Variants in SIT1 observed in about 807,000 individuals in gnomAD.
SIT1 encodes signaling threshold-regulating transmembrane adapter 1.
Under a neutral mutation model 23.5 loss-of-function variants are expected in SIT1, and 19 were observed. The observed-to-expected ratio is 0.81, with a 90% confidence interval of 0.56 to 1.19. The LOEUF (loss-of-function observed/expected upper bound fraction) is 1.19, where lower values mean the gene tolerates loss of function less well. SIT1 is among the 50% of genes most tolerant of loss of function. SIT1 has a pLI of 0.00. For synonymous variants in SIT1, 114 were observed against 109.1 expected, an observed-to-expected ratio of 1.04 and a Z score of -0.28; for missense variants, 213 against 254.9, an observed-to-expected ratio of 0.84 and a Z score of 1.12.
In SIT1 at chr9:35,650,289, C is replaced by T. The variant is rs1286770808; in HGVS notation, c.296-44G>A. The T allele has an allele frequency of 1.9e-6, 3 of 1,611,380 alleles. No homozygotes were observed. The highest frequency in any genetic ancestry group is 1.3e-5 in the African/African-American group (1 of 74,842). ...ATCTGGTCAGCAACTTGTCCTTCCT[C>T]CTGCACGCCCCCATCCCAGCCACCC... On this transcript the variant is annotated intron_variant, in intron 3 of 4. Transcript: ENST00000259608. The surrounding 1 kb of genome is among the most constrained non-coding windows in gnomAD (Gnocchi z 4.8).
In SIT1 at chr9:35,649,786, AGT is replaced by A. The variant is rs916439847; in HGVS notation, c.*60_*61del. On this transcript the variant is annotated 3_prime_UTR_variant, in exon 5 of 5. Transcript: ENST00000259608. ...CGTCTTTGGGTGCTGGTTGGGAAAC[AGT>A]CATGCCCCTGCTACGGGGGGCTGGG... is the stretch of plus-strand genomic sequence containing the variant. The A allele has an allele frequency of 6.4e-6, 8 of 1,250,036 alleles. No homozygotes were observed. The highest frequency in any genetic ancestry group is 3.2e-5 in the South Asian group (2 of 62,318). 77.4% of individuals were successfully genotyped at this position (1,250,036 alleles called of 1,614,324 possible).
Position 35,649,716 on chromosome 9 carries a change from A to G in SIT1, c.*132T>C. 1.6e-6 allele frequency: 1 copy of G among 636,048 alleles called. No individual in the cohort carries two copies. The highest frequency in any genetic ancestry group is 2.6e-6 in the Non-Finnish European group (1 of 385,444). 39.4% of individuals were successfully genotyped at this position (636,048 alleles called of 1,614,324 possible). A position where few individuals can be genotyped will look rare whatever the true frequency, so the allele number is the denominator to read the frequency against. On this transcript the variant is annotated 3_prime_UTR_variant, in exon 5 of 5. Coordinates refer to ENST00000259608, the MANE Select transcript of SIT1 (RefSeq NM_014450.3). ...GAGATGTCTCCCTTGAAGCTCAGAT[A>G]GGAAGTCCGGGGTAGATCACATCCT...
rs1563903584 is a variant in SIT1 at position 35,650,832 on chromosome 9, G to A, written c.22C>T (p.Leu8Phe). The A allele has an allele frequency of 1.9e-6, 3 of 1,611,822 alleles. No individual in the cohort carries two copies. Among genetic ancestry groups the A allele is most frequent in the Non-Finnish European group, 2.5e-6 (3 of 1,178,980 alleles). Reference sequence around the variant, plus strand: ...AGAGTCCACAAGCACACTGCTCTGAGCCGAGGGTCAGCCTGGTTCATGGCC... The same window carrying A: ...AGAGTCCACAAGCACACTGCTCTGAACCGAGGGTCAGCCTGGTTCATGGCC... The part of the protein sequence containing the change: MNQADPR[L>F]RAVCLWTLTS... Residue 8 changes from leucine to phenylalanine, a missense_variant, in exon 1 of 5, where the codon CTC becomes TTC. Leu to Phe is a conservative substitution (Grantham distance 22). Coordinates refer to ENST00000259608, the MANE Select transcript of SIT1 (RefSeq NM_014450.3). This position sits in a 1 kb window ranked among gnomAD's most constrained non-coding sequence, Gnocchi z 4.8.
chr9:35,650,809 A>G lies in SIT1; in HGVS notation c.45T>C (p.Thr15=). 6.2e-7 allele frequency: 1 copy of G among 1,613,646 alleles called. No individual in the cohort carries two copies. The highest frequency in any genetic ancestry group is 8.5e-7 in the Non-Finnish European group (1 of 1,179,812). ...CTCTGCTCATGGCTGCAGATGTGAG[A>G]GTCCACAAGCACACTGCTCTGAGCC... ...DPRLRAVCLW[T]LTSAAMSRGD... The change falls in exon 1 of 5, where the codon ACT becomes ACC. Residue 15 remains threonine (T), a synonymous_variant. Transcript: ENST00000259608. This position sits in a 1 kb window ranked among gnomAD's most constrained non-coding sequence, Gnocchi z 4.8.
Position 35,649,918 on chromosome 9 carries a change from G to T in SIT1, c.521C>A (p.Ala174Asp). The T allele has an allele frequency of 6.3e-7, 1 of 1,586,718 alleles. No homozygotes were observed. The highest frequency in any genetic ancestry group is 8.6e-7 in the Non-Finnish European group (1 of 1,167,142). ...PEPELYASVC[A>D]QTRRARASFP... ...GGAGGCCCGGGCCCTGCGGGTCTGG[G>T]CACATACTGAGGCATAGAGCTCCGG... The change falls in exon 5 of 5, where the codon GCC (alanine) becomes GAC (aspartate). Residue 174 changes from alanine to aspartate, a missense_variant. Physicochemically the swap from Ala to Asp is moderately radical, Grantham distance 126. Transcript: ENST00000259608.
At position 35,649,762 on chromosome 9, in the gene SIT1, G is replaced by A. The variant is rs748792241; in HGVS notation, c.*86C>T. 2.4e-5 allele frequency: 25 copies of A among 1,046,376 alleles called. No individual in the cohort carries two copies. Among genetic ancestry groups the A allele is most frequent in the South Asian group, 2.3e-4 (13 of 56,672 alleles). The allele number at this position is 1,046,376 out of a possible 1,614,324, so 64.8% of individuals were successfully genotyped here. A position where few individuals can be genotyped will look rare whatever the true frequency, so the allele number is the denominator to read the frequency against. ...ATCCTGTGACTTGGCAATGGCGCCC[G>A]TCTTTGGGTGCTGGTTGGGAAACAG... is the stretch of plus-strand genomic sequence containing the variant. On this transcript the variant is annotated 3_prime_UTR_variant, in exon 5 of 5. Coordinates refer to ENST00000259608, the MANE Select transcript of SIT1 (RefSeq NM_014450.3).
At position 35,650,238 on chromosome 9, in the gene SIT1, C is replaced by A; in HGVS notation, c.303G>T (p.Leu101=). 1 of 1,613,762 alleles carries A rather than the reference C, an allele frequency of 6.2e-7. No individual in the cohort carries two copies. Among genetic ancestry groups the A allele is most frequent in the Non-Finnish European group, 8.5e-7 (1 of 1,179,792 alleles). The change falls in exon 4 of 5, where the codon CTG becomes CTT. Residue 101 remains leucine (L), a synonymous_variant. Coordinates refer to ENST00000259608, the MANE Select transcript of SIT1 (RefSeq NM_014450.3). The surrounding 1 kb of genome is among the most constrained non-coding windows in gnomAD (Gnocchi z 4.8). The part of the protein sequence containing the change: ...GNLHYLQTGR[L]SQDPEPDQQD... Reference sequence around the variant, plus strand: ...GCTGGTCTGGCTCTGGGTCTTGAGACAGCCGTCCTGGGACGGGGAACAGGA... The same window carrying A: ...GCTGGTCTGGCTCTGGGTCTTGAGAAAGCCGTCCTGGGACGGGGAACAGGA...
Position 35,649,637 on chromosome 9 carries a change from G to T in SIT1, c.*211C>A, listed in dbSNP as rs532031904. 2.2e-6 allele frequency: 1 copy of T among 457,890 alleles called. No individual in the cohort carries two copies. The highest frequency in any genetic ancestry group is 2.0e-5 in the African/African-American group (1 of 50,304). The allele number at this position is 457,890 out of a possible 1,614,324, so 28.4% of individuals were successfully genotyped here. A position where few individuals can be genotyped will look rare whatever the true frequency, so the allele number is the denominator to read the frequency against. On this transcript the variant is annotated 3_prime_UTR_variant, in exon 5 of 5. Coordinates refer to ENST00000259608, the MANE Select transcript of SIT1 (RefSeq NM_014450.3). ...GGCTAAGAGGAACAGATAGAAAAAA[G>T]AAATAAGGAGGGGGCTACTGTCTTT... is the stretch of plus-strand genomic sequence containing the variant.
Position 35,650,275 on chromosome 9 carries a change from A to G in SIT1, c.296-30T>C. 1.2e-6 allele frequency: 2 copies of G among 1,611,966 alleles called. No individual in the cohort carries two copies. The highest frequency in any genetic ancestry group is 1.7e-6 in the Non-Finnish European group (2 of 1,178,616). On this transcript the variant is annotated intron_variant, in intron 3 of 4. Coordinates refer to ENST00000259608, the MANE Select transcript of SIT1 (RefSeq NM_014450.3). The surrounding 1 kb of genome is among the most constrained non-coding windows in gnomAD (Gnocchi z 4.8). ...GACGGGGAACAGGAATCTGGTCAGC[A>G]ACTTGTCCTTCCTCCTGCACGCCCC...
chr9:35,650,373 C>G lies in SIT1; in HGVS notation c.279G>C (p.Leu93=), dbSNP rs140206565. The change falls in exon 3 of 5, where the codon CTG becomes CTC. Residue 93 remains leucine (L), a synonymous_variant. Coordinates refer to ENST00000259608, the MANE Select transcript of SIT1 (RefSeq NM_014450.3). This position sits in a 1 kb window ranked among gnomAD's most constrained non-coding sequence, Gnocchi z 4.8. ...SVEEVPLYGN[L]HYLQTGRLSQ... ...GCTCCCTACCTGTCTGTAGATAATG[C>G]AGGTTCCCATACAGCGGGACCTCTT... The G allele has an allele frequency of 6.2e-7, 1 of 1,614,156 alleles. No individual in the cohort carries two copies. Among genetic ancestry groups the G allele is most frequent in the Non-Finnish European group, 8.5e-7 (1 of 1,180,010 alleles).
In SIT1 at chr9:35,650,859, G is replaced by A. The variant is rs1338174159; in HGVS notation, c.-6C>T. 9 of 1,601,446 alleles carry A rather than the reference G, an allele frequency of 5.6e-6. No individual in the cohort carries two copies. Among genetic ancestry groups the A allele is most frequent in the Non-Finnish European group, 7.7e-6 (9 of 1,173,504 alleles). Reference sequence around the variant, plus strand: ...CGAGGGTCAGCCTGGTTCATGGCCTGACGGTTTCCACAGCACTTCTTACTC... The same window carrying A: ...CGAGGGTCAGCCTGGTTCATGGCCTAACGGTTTCCACAGCACTTCTTACTC... On this transcript the variant is annotated 5_prime_UTR_variant, in exon 1 of 5. Coordinates refer to ENST00000259608, the MANE Select transcript of SIT1 (RefSeq NM_014450.3). The surrounding 1 kb of genome is among the most constrained non-coding windows in gnomAD (Gnocchi z 4.8).
Position 35,650,735 on chromosome 9 carries a change from C to T in SIT1, c.100+19G>A. 1 of 1,612,696 alleles carries T rather than the reference C, an allele frequency of 6.2e-7. No individual in the cohort carries two copies. Among genetic ancestry groups the T allele is most frequent in the Non-Finnish European group, 8.5e-7 (1 of 1,179,350 alleles). On this transcript the variant is annotated intron_variant, in intron 1 of 4. Transcript: ENST00000259608. This position sits in a 1 kb window ranked among gnomAD's most constrained non-coding sequence, Gnocchi z 4.8. Reference sequence around the variant, plus strand: ...CCACATGACCCCTCCCCCACCAGCCCCTGCCCTGCCCAGCTCACCCAGTGC... The same window carrying T: ...CCACATGACCCCTCCCCCACCAGCCTCTGCCCTGCCCAGCTCACCCAGTGC...
rs942805994 is a variant in SIT1, at chr9:35,650,403, A to G, written c.249T>C (p.Ser83=). The stretch of plus-strand genomic sequence containing the variant: ...TCCCATACAGCGGGACCTCTTCCAC[A>G]GACTCTCCAGAGCTGCAACGCAGAG... The part of the protein sequence containing the change: ...SHPGQGRSGE[S]VEEVPLYGNL... The change falls in exon 3 of 5, where the codon TCT becomes TCC. Residue 83 remains serine (S), a synonymous_variant. Transcript: ENST00000259608. This position sits in a 1 kb window ranked among gnomAD's most constrained non-coding sequence, Gnocchi z 4.8. 2 of 1,613,902 alleles carry G rather than the reference A, an allele frequency of 1.2e-6. No homozygotes were observed. Among genetic ancestry groups the G allele is most frequent in the African/African-American group, 2.7e-5 (2 of 74,858 alleles).
At position 35,650,081 on chromosome 9, in the gene SIT1, C is replaced by T; in HGVS notation, c.358G>A (p.Ala120Thr). Residue 120 changes from alanine (A) to threonine (T), a missense_variant and splice_region_variant, in exon 5 of 5, where the codon GCT becomes ACT. Ala to Thr is a moderately conservative substitution (Grantham distance 58). Transcript: ENST00000259608. The surrounding 1 kb of genome is among the most constrained non-coding windows in gnomAD (Gnocchi z 4.8). Reference protein sequence around the residue: ...QDPTLGGPARAAEEVMCYTSL... With the variant: ...QDPTLGGPARTAEEVMCYTSL... Reference sequence around the variant, plus strand: ...GTATAGCACATCACCTCCTCTGCAGCCTGGAGATGCAAGGCTGTTAGAAGT... The same window carrying T: ...GTATAGCACATCACCTCCTCTGCAGTCTGGAGATGCAAGGCTGTTAGAAGT... 1 of 1,608,868 alleles carries T rather than the reference C, an allele frequency of 6.2e-7. No homozygotes were observed. Among genetic ancestry groups the T allele is most frequent in the Non-Finnish European group, 8.5e-7 (1 of 1,177,138 alleles).
Position 35,650,363 on chromosome 9 carries a change from G to T in SIT1, c.289C>A (p.Gln97Lys). ...CTCTCTGCCAGCTCCCTACCTGTCT[G>T]TAGATAATGCAGGTTCCCATACAGC... is the stretch of plus-strand genomic sequence containing the variant. ...VPLYGNLHYL[Q>K]TGRLSQDPEP... Residue 97 changes from glutamine (Q) to lysine (K), a missense_variant, in exon 3 of 5, where the codon CAG becomes AAG. By Grantham distance (53) the Gln-to-Lys change is moderately conservative. Coordinates refer to ENST00000259608, the MANE Select transcript of SIT1 (RefSeq NM_014450.3). This position sits in a 1 kb window ranked among gnomAD's most constrained non-coding sequence, Gnocchi z 4.8. The T allele has an allele frequency of 6.2e-7, 1 of 1,614,088 alleles. No homozygotes were observed. The highest frequency in any genetic ancestry group is 8.5e-7 in the Non-Finnish European group (1 of 1,179,968).
In SIT1 at chr9:35,650,297, C is replaced by A. The variant is rs202094177; in HGVS notation, c.296-52G>T. Reference sequence around the variant, plus strand: ...AGCAACTTGTCCTTCCTCCTGCACGCCCCCATCCCAGCCACCCAGGACCTG... The same window carrying A: ...AGCAACTTGTCCTTCCTCCTGCACGACCCCATCCCAGCCACCCAGGACCTG... On this transcript the variant is annotated intron_variant, in intron 3 of 4. Transcript: ENST00000259608. The surrounding 1 kb of genome is among the most constrained non-coding windows in gnomAD (Gnocchi z 4.8). The A allele has an allele frequency of 6.2e-7, 1 of 1,611,138 alleles. No homozygotes were observed. Among genetic ancestry groups the A allele is most frequent in the Non-Finnish European group, 8.5e-7 (1 of 1,177,830 alleles).
At position 35,649,447 on chromosome 9, in the gene SIT1, G is replaced by A. The variant is rs560582126; in HGVS notation, c.*401C>T. 1.2e-4 allele frequency: 21 copies of A among 170,392 alleles called. No individual in the cohort carries two copies. Among genetic ancestry groups the A allele is most frequent in the Non-Finnish European group, 2.2e-4 (18 of 80,538 alleles). The allele number at this position is 170,392 out of a possible 1,614,324, so 10.6% of individuals were successfully genotyped here. ...GGTCCACTCCAGTCTGTGGACTCCT[G>A]AGGAATATACCCACCCACCCACTGT... On this transcript the variant is annotated 3_prime_UTR_variant, in exon 5 of 5. Transcript: ENST00000259608.
rs1192462414 is a variant in SIT1, at chr9:35,650,459, G to C, written c.236+43C>G. The C allele has an allele frequency of 2.5e-6, 4 of 1,613,964 alleles. No individual in the cohort carries two copies. Among genetic ancestry groups the C allele is most frequent in the South Asian group, 2.2e-5 (2 of 91,074 alleles). On this transcript the variant is annotated intron_variant, in intron 2 of 4. Coordinates refer to ENST00000259608, the MANE Select transcript of SIT1 (RefSeq NM_014450.3). The surrounding 1 kb of genome is among the most constrained non-coding windows in gnomAD (Gnocchi z 4.8). ...GGGATGAGTGGGGACTTCTCGGTAA[G>C]AGAGAACTCTCAGTCAACCCATCCC...
chr9:35,650,727 C>A lies in SIT1; in HGVS notation c.100+27G>T, dbSNP rs1436151757. 9.9e-6 allele frequency: 16 copies of A among 1,612,004 alleles called. No homozygotes were observed. The highest frequency in any genetic ancestry group is 1.4e-5 in the Non-Finnish European group (16 of 1,179,018). ...ACCTGGGGCCACATGACCCCTCCCC[C>A]ACCAGCCCCTGCCCTGCCCAGCTCA... is the stretch of plus-strand genomic sequence containing the variant. On this transcript the variant is annotated intron_variant, in intron 1 of 4. Transcript: ENST00000259608. The surrounding 1 kb of genome is among the most constrained non-coding windows in gnomAD (Gnocchi z 4.8).
Sources: allele counts gnomAD v4.1 joint callset, GRCh38; gene constraint gnomAD v4.1.1; non-coding constraint Gnocchi (gnomAD v3.1); transcripts MANE v1.5; gene names NCBI Gene and HGNC (gene_info 2026-07-23, HGNC 2026-07-21).